Variants in ANOS1 observed in about 807,000 individuals in gnomAD.
The protein encoded by ANOS1 is anosmin 1, also known as anosmin-1.
Under a neutral mutation model 59.0 loss-of-function variants are expected in ANOS1, and 6 were observed. The ratio of observed to expected loss-of-function variants is 0.10; its 90% CI spans 0.06 to 0.20. The LOEUF (loss-of-function observed/expected upper bound fraction) is 0.20, where lower values mean the gene tolerates loss of function less well. Ranked by LOEUF, ANOS1 falls within the 10% of genes least tolerant of loss-of-function variation. The pLI is 1.00. For synonymous variants in ANOS1, 217 were observed against 223.4 expected (o/e 0.97, Z 0.25); for missense variants, 433 against 542.3 (o/e 0.80, Z 2.00).
At chrX:8,708,382 T>C (rs9698079) in intron 1 of ANOS1, among the ~76,000 whole-genome samples, 6,576 of 111,440 alleles carry the variant, frequency 0.059, 216 homozygotes, top group African/African-American at 0.12. Context: ...AGGGTTAGTA[T>C]CCAGAATCTA....
At chrX:8,654,878 G>A (rs1315974100) in intron 2 of ANOS1, among the ~76,000 whole-genome samples, 6 of 112,180 alleles carry the variant, frequency 5.3e-5, no homozygotes, top group South Asian at 7.4e-4. Flanking sequence ...TGTAACACCT[G>A]ATAATTATAT....
At chrX:8,578,439 G>A (rs1254965302) in intron 6 of ANOS1, among the ~76,000 whole-genome samples, 9 of 111,102 alleles carry the variant, frequency 8.1e-5, no homozygotes, top group Admixed American at 7.7e-4. Flanking sequence ...GGCACATCCC[G>A]AGCAGCTGTG....
chrX:8,619,070 CAAAAAAAAAAAAAAA>C (rs1164164251), intron 3 of ANOS1, among the ~76,000 whole-genome samples: 5 of 43,974 alleles, frequency 1.1e-4, no homozygotes, highest in African/African-American at 1.7e-4. Flanking sequence ...AAACCTCTCT[CAAAAAAAAAAAAAAA>C]AAAAAAAAAA....
chrX:8,536,186 A>G (rs1311988845), intron 11 of ANOS1, among the ~76,000 whole-genome samples: 1 of 43,835 alleles, frequency 2.3e-5, no homozygotes, highest in Non-Finnish European at 5.1e-5. Context: ...TTAAATCCGA[A>G]GCTTTTTTTT....
Position 8,567,376 on chromosome X carries a change from G to C in ANOS1, c.1207+856C>G, listed in dbSNP as rs182491171. ...AAACAGGCATGCCACACCACTTTTT[G>C]TGCCCCCTATCCACTCGCGTACATA... On this transcript the variant is annotated intron_variant, in intron 8 of 13. Transcript: ENST00000262648. Among the ~76,000 whole-genome samples the C allele has an allele frequency of 1.7e-4, 19 of 111,759 alleles. No individual in the cohort carries two copies. In the East Asian group the frequency reaches 4.8e-3, roughly 28 times the overall value.
At chrX:8,578,267 C>CT (rs35592784) in intron 6 of ANOS1, among the ~76,000 whole-genome samples, 8 of 107,010 alleles carry the variant, frequency 7.5e-5, no homozygotes, top group South Asian at 8.4e-4. Flanking sequence ...ATATTTAAAC[C>CT]TTTTTTTTTC....
chrX:8,559,225 A>C (rs5934447), intron 8 of ANOS1, among the ~76,000 whole-genome samples: 2 of 112,086 alleles, frequency 1.8e-5, no homozygotes, highest in African/African-American at 6.5e-5. Context: ...TGAGGAATGG[A>C]GCCATGGGAA....
intron 1 of ANOS1, among the ~76,000 whole-genome samples, chrX:8,709,486 T>C (rs1004587882): frequency 1.6e-4 from 18 of 111,923 alleles, no homozygotes; most frequent in African/African-American, 4.5e-4. Context: ...TTTCTTTTCT[T>C]TTCTTTCTTG....
At position 8,715,449 on chromosome X, in the gene ANOS1, T is replaced by TC. The variant is rs1253642172; in HGVS notation, c.208-15705_208-15704insG. Among the ~76,000 whole-genome samples, 5 of 107,058 alleles carry TC rather than the reference T, an allele frequency of 4.7e-5. No homozygotes were observed. In the East Asian group the frequency reaches 1.2e-3, roughly 25 times the overall value. 93.0% of individuals were successfully genotyped at this position (107,058 alleles called of 115,157 possible). On this transcript the variant is annotated intron_variant, in intron 1 of 13. Coordinates refer to ENST00000262648, the MANE Select transcript of ANOS1 (RefSeq NM_000216.4). ...CTGGCTAATTTTTTCTTTTTCTTTTTTTTTTTTTTGGTAGAGATGGGGTCT... is the reference window on the plus strand; with the variant it reads ...CTGGCTAATTTTTTCTTTTTCTTTTTCTTTTTTTTTGGTAGAGATGGGGTCT...
At chrX:8,538,502 A>G (rs1378528399) in intron 10 of ANOS1, among the ~76,000 whole-genome samples, 1 of 111,879 alleles carries the variant, frequency 8.9e-6, no homozygotes, top group Non-Finnish European at 1.9e-5. Flanking sequence ...CAGAGTTCCT[A>G]AAGATGATAA....
chrX:8,685,398 G>A (rs1490206645), intron 2 of ANOS1, among the ~76,000 whole-genome samples: 3 of 107,470 alleles, frequency 2.8e-5, no homozygotes, highest in East Asian at 2.9e-4. Context: ...AGTCTTTCAT[G>A]GAAACCAACA....
Position 8,578,962 on chromosome X carries a change from A to T in ANOS1, c.856+6305T>A, listed in dbSNP as rs760735256. 2.7e-5 allele frequency among the ~76,000 whole-genome samples: 3 copies of T among 112,351 alleles called. No homozygotes were observed. In the South Asian group the frequency reaches 1.1e-3, roughly 41 times the overall value. Reference sequence around the variant, plus strand: ...AGTCACAGTAGCCAGAAACAAACACATTATTTCCCAAATTCAGCAAACTGG... The same window carrying T: ...AGTCACAGTAGCCAGAAACAAACACTTTATTTCCCAAATTCAGCAAACTGG... On this transcript the variant is annotated intron_variant, in intron 6 of 13. Transcript: ENST00000262648.
At chrX:8,687,425 AAAAT>A (rs772372495) in intron 2 of ANOS1, among the ~76,000 whole-genome samples, 11 of 109,856 alleles carry the variant, frequency 1.0e-4, no homozygotes, top group Middle Eastern at 4.7e-3. Context: ...ACATTTGTCT[AAAAT>A]AAATAAATAA....
intron 1 of ANOS1, among the ~76,000 whole-genome samples, chrX:8,727,728 G>A (rs918054846): frequency 1.8e-5 from 2 of 112,260 alleles, no homozygotes; most frequent in Admixed American, 1.9e-4. Flanking sequence ...AGACATGAGT[G>A]TTCCCTGGGC....
rs369049760 is a variant in ANOS1 at position 8,541,143 on chromosome X, G to A, written c.1355-1385C>T. Among the ~76,000 whole-genome samples, 40 of 102,754 alleles carry A rather than the reference G, an allele frequency of 3.9e-4. 1 individual carries two copies. The highest frequency in any genetic ancestry group is 1.6e-3 in the East Asian group (5 of 3,173). The allele number at this position is 102,754 out of a possible 115,157, so 89.2% of individuals were successfully genotyped here. ...AAGGTGGCTGGGCACGGTGGTTCAC[G>A]CCTGTAATCCCAGCACTTTGGGAGG... On this transcript the variant is annotated intron_variant, in intron 9 of 13. Coordinates refer to ENST00000262648, the MANE Select transcript of ANOS1 (RefSeq NM_000216.4).
chrX:8,541,457 C>A (rs757642626), intron 9 of ANOS1, among the ~76,000 whole-genome samples: 54 of 82,090 alleles, frequency 6.6e-4, no homozygotes, highest in African/African-American at 1.6e-3. Context: ...AAAAAAAAAA[C>A]CAGAAGGTAA....
At chrX:8,534,200 T>A in intron 13 of ANOS1, 119 bp downstream of exon 13, 1 of 742,506 alleles carries the variant, frequency 1.3e-6, no homozygotes, top group Non-Finnish European at 2.0e-6. Context: ...ATGATGACAA[T>A]TTCCCTATCT....
chrX:8,643,141 A>C (rs184647729), intron 2 of ANOS1, among the ~76,000 whole-genome samples: 18 of 111,699 alleles, frequency 1.6e-4, no homozygotes, highest in Non-Finnish European at 2.6e-4. Flanking sequence ...CCACTTGAAA[A>C]ATTAAAAACT....
intron 1 of ANOS1, among the ~76,000 whole-genome samples, chrX:8,721,122 C>T (rs1314286195): frequency 9.0e-6 from 1 of 111,272 alleles, no homozygotes; most frequent in Non-Finnish European, 1.9e-5. Flanking sequence ...ATTTTTCAAG[C>T]CATTTTCTAT....
Sources: allele counts gnomAD v4.1 joint callset (sites outside exome capture counted in the v4.1 genomes callset), GRCh38; gene constraint gnomAD v4.1.1; transcripts MANE v1.5; gene names NCBI Gene and HGNC (gene_info 2026-07-23, HGNC 2026-07-21).